Variants in MACROD2 observed in about 807,000 individuals in gnomAD.
The protein encoded by MACROD2 is ADP-ribose glycohydrolase MACROD2.
MACROD2 carries 36 observed loss-of-function variants against 70.4 expected under a neutral mutation model. The ratio of observed to expected loss-of-function variants is 0.51; its 90% CI spans 0.39 to 0.68. The LOEUF is 0.68. Among genes scored for constraint, MACROD2 ranks in the 30% least tolerant of loss-of-function variants. MACROD2 has a pLI of 0.00. For missense variants in MACROD2, 496 were observed against 538.4 expected, an observed-to-expected ratio of 0.92 and a Z score of 0.78; for synonymous variants, 172 against 178.8, an observed-to-expected ratio of 0.96 and a Z score of 0.30.
At chr20:14,949,717 G>A (rs190279662) in intron 5 of MACROD2, among the ~76,000 whole-genome samples, 1 of 152,264 alleles carries the variant, frequency 6.6e-6, no homozygotes, top group Non-Finnish European at 1.5e-5. Flanking sequence ...CCTGCTATGT[G>A]ACAAGCATTG....
chr20:16,009,340 T>TA (rs1218571590), intron 15 of MACROD2, among the ~76,000 whole-genome samples: 1 of 152,220 alleles, frequency 6.6e-6, no homozygotes, highest in Non-Finnish European at 1.5e-5. Flanking sequence ...CAGCTACCCC[T>TA]ACCCCTCAGC....
At position 15,049,418 on chromosome 20, in the gene MACROD2, A is replaced by G. The variant is rs551367333; in HGVS notation, c.419-180522A>G. On this transcript the variant is annotated intron_variant, in intron 5 of 17. Transcript: ENST00000684519. ...ACTCAGCTGAAGTCCACTGTTTTCAATAACAATTCTATCTCATCATTGGCA... is the reference window on the plus strand; with the variant it reads ...ACTCAGCTGAAGTCCACTGTTTTCAGTAACAATTCTATCTCATCATTGGCA... Among the ~76,000 whole-genome samples the G allele has an allele frequency of 3.3e-4, 50 of 152,296 alleles. 1 individual carries two copies. The highest frequency in any genetic ancestry group is 2.5e-3 in the Admixed American group (39 of 15,296).
At chr20:15,515,502 A>G (rs1465137795) in intron 8 of MACROD2, among the ~76,000 whole-genome samples, 3 of 152,154 alleles carry the variant, frequency 2.0e-5, no homozygotes, top group African/African-American at 7.2e-5. Context: ...TTCCCTTCCA[A>G]ATATCACTGT....
intron 5 of MACROD2, among the ~76,000 whole-genome samples, chr20:15,089,355 A>C (rs750654643): frequency 6.6e-6 from 1 of 152,086 alleles, no homozygotes; most frequent in Non-Finnish European, 1.5e-5. Context: ...AGGCAGAAGA[A>C]ATGTTTTAAA....
At chr20:14,443,036 G>A (rs569647165) in intron 3 of MACROD2, among the ~76,000 whole-genome samples, 10 of 150,930 alleles carry the variant, frequency 6.6e-5, no homozygotes, top group East Asian at 4.0e-4. Context: ...CCGAGATCGC[G>A]CCACTGTACT....
intron 6 of MACROD2, among the ~76,000 whole-genome samples, chr20:15,394,217 TTA>T (rs1397745897): frequency 6.6e-6 from 1 of 152,164 alleles, no homozygotes. Flanking sequence ...AAATGTGAAA[TTA>T]TTTATGAAAA....
chr20:14,325,693 G>T, intron 3 of MACROD2: 1 of 1,613,816 alleles, frequency 6.2e-7, no homozygotes, highest in Non-Finnish European at 8.5e-7. Flanking sequence ...CTCCTCCTTC[G>T]AGATGGGTTC....
intron 15 of MACROD2, among the ~76,000 whole-genome samples, chr20:16,040,088 A>G (rs1342832555): frequency 1.3e-5 from 2 of 151,780 alleles, no homozygotes; most frequent in Admixed American, 6.6e-5. Flanking sequence ...ATCTAAAATG[A>G]CTTTGTTCTT....
chr20:15,731,291 T>G lies in MACROD2; in HGVS notation c.646-131454T>G, dbSNP rs141674156. On this transcript the variant is annotated intron_variant, in intron 8 of 17. Transcript: ENST00000684519. ...GTTGCCAGAGTTCTTGCACTGGTTCTTTCTCATGTGTGTGAGCTTATTTTC... is the reference window on the plus strand; with the variant it reads ...GTTGCCAGAGTTCTTGCACTGGTTCGTTCTCATGTGTGTGAGCTTATTTTC... Among the ~76,000 whole-genome samples the G allele has an allele frequency of 3.2e-3, 191 of 58,938 alleles. 84 individuals carry two copies. Among genetic ancestry groups the G allele is most frequent in the Non-Finnish European group, 6.9e-3 (143 of 20,812 alleles). 38.7% of individuals were successfully genotyped at this position (58,938 alleles called of 152,430 possible).
intron 4 of MACROD2, among the ~76,000 whole-genome samples, chr20:14,633,791 C>A (rs1916328239): frequency 6.6e-6 from 1 of 152,122 alleles, no homozygotes. Context: ...ATTGAAACCA[C>A]CTCAGGCCTT....
chr20:15,545,352 AT>A (rs1330441442), intron 8 of MACROD2, among the ~76,000 whole-genome samples: 1 of 152,206 alleles, frequency 6.6e-6, no homozygotes, highest in African/African-American at 2.4e-5. Flanking sequence ...CTTCTTGATC[AT>A]CGGTTGTAAT....
At chr20:14,964,957 T>C (rs1203976614) in intron 5 of MACROD2, among the ~76,000 whole-genome samples, 1 of 152,152 alleles carries the variant, frequency 6.6e-6, no homozygotes, top group Non-Finnish European at 1.5e-5. Context: ...GTTGTGAAAA[T>C]TGTGTTTTGT....
intron 13 of MACROD2, among the ~76,000 whole-genome samples, chr20:15,972,997 G>A (rs998210546): frequency 6.6e-6 from 1 of 151,898 alleles, no homozygotes; most frequent in Non-Finnish European, 1.5e-5. Flanking sequence ...CATTTAGAAA[G>A]GCTTGTTTAG....
intron 5 of MACROD2, among the ~76,000 whole-genome samples, chr20:14,689,421 A>G (rs1330528011): frequency 6.6e-6 from 1 of 152,212 alleles, no homozygotes; most frequent in East Asian, 1.9e-4. Flanking sequence ...TGTGTGATAT[A>G]TAATAGGGGT....
Position 14,085,890 on chromosome 20 carries a change from G to GT in MACROD2, c.271+163dup, listed in dbSNP as rs201578739. ...AAAAACATTGGAGATCTATTTTTTT[G>GT]TATGTTCTGCAATTAATGTGCATCT... On this transcript the variant is annotated intron_variant, in intron 3 of 17. Transcript: ENST00000684519. 7.7e-3 allele frequency among the ~76,000 whole-genome samples: 1,171 copies of GT among 151,888 alleles called. 17 individuals are homozygous for GT. The highest frequency in any genetic ancestry group is 0.026 in the African/African-American group (1,080 of 41,456).
intron 4 of MACROD2, among the ~76,000 whole-genome samples, chr20:14,540,403 C>A (rs1325311815): frequency 6.6e-6 from 1 of 152,170 alleles, no homozygotes; most frequent in African/African-American, 2.4e-5. Context: ...TGCTTCCAAC[C>A]TAACCCTTCC....
intron 3 of MACROD2, among the ~76,000 whole-genome samples, chr20:14,181,217 C>T (rs144997744): frequency 5.9e-4 from 89 of 151,694 alleles, no homozygotes; most frequent in East Asian, 5.1e-3. Context: ...TACAGGTGCA[C>T]GCCACCACAC....
intron 8 of MACROD2, among the ~76,000 whole-genome samples, chr20:15,546,740 A>C (rs897809459): frequency 6.6e-6 from 1 of 152,132 alleles, no homozygotes; most frequent in Non-Finnish European, 1.5e-5. Context: ...GCTGCACTCA[A>C]GCTTTAGATG....
chr20:14,880,400 G>A (rs775068048), intron 5 of MACROD2, among the ~76,000 whole-genome samples: 13 of 152,184 alleles, frequency 8.5e-5, no homozygotes, highest in Non-Finnish European at 1.9e-4. Flanking sequence ...ATGAGTTAAA[G>A]CTAGGAGGAG....
Sources: gnomAD v4.1 joint callset for allele counts (sites outside exome capture counted in the v4.1 genomes callset) on GRCh38, gnomAD v4.1.1 for gene constraint, MANE v1.5 for transcripts, NCBI Gene and HGNC (gene_info 2026-07-23, HGNC 2026-07-21) for gene names.